Variants in EREG observed in about 807,000 individuals in gnomAD.
EREG encodes the protein epiregulin.
A neutral mutation model predicts 22.4 loss-of-function variants in EREG; 23 were observed. The observed-to-expected ratio is 1.03, with a 90% CI of 0.74 to 1.46. The LOEUF (loss-of-function observed/expected upper bound fraction) is 1.46. Among genes scored for constraint, EREG ranks in the 40% most tolerant of loss-of-function variants. EREG has a pLI of 0.00. For synonymous variants in EREG, 100 were observed against 75.4 expected (o/e 1.33, Z -1.69); for missense variants, 226 against 205.9 (o/e 1.10, Z -0.60).
chr4:74,373,275 A>G (rs186792061), intron 1 of EREG, among the ~76,000 whole-genome samples: 8 of 152,236 alleles, frequency 5.3e-5, no homozygotes, highest in Non-Finnish European at 1.2e-4. Context: ...AGCGAAATAT[A>G]TTAGCATTTG....
At chr4:74,367,396 A>G (rs1752204486) in intron 1 of EREG, among the ~76,000 whole-genome samples, 1 of 152,204 alleles carries the variant, frequency 6.6e-6, no homozygotes, top group South Asian at 2.1e-4. Context: ...TTTTTTAAAT[A>G]ATCTATAATT....
intron 1 of EREG, among the ~76,000 whole-genome samples, chr4:74,374,832 A>G (rs1752351602): frequency 6.6e-6 from 1 of 152,154 alleles, no homozygotes; most frequent in Non-Finnish European, 1.5e-5. Flanking sequence ...ATTTCACTGA[A>G]ACATAATCTG....
In EREG at chr4:74,381,261, A is replaced by AC. The variant is rs758108698; in HGVS notation, c.278+128dup. ...TGAAGTCTGAGCTTTTAGAGTACCT[A>AC]CCCCTCAAATAGTGTGCATGGAACC... On this transcript the variant is annotated intron_variant, in intron 3 of 4. Coordinates refer to ENST00000244869, the MANE Select transcript of EREG (RefSeq NM_001432.3). 5.1e-6 allele frequency: 4 copies of AC among 788,100 alleles called. No homozygotes were observed. The South Asian group carries it at 7.1e-5, about 14-fold the overall frequency. The allele number at this position is 788,100 out of a possible 1,614,324, so 48.8% of individuals were successfully genotyped here. A position where few individuals can be genotyped will look rare whatever the true frequency, so the allele number is the denominator to read the frequency against.
Position 74,385,488 on chromosome 4 carries a change from T to C in EREG, c.*680T>C, listed in dbSNP as rs537110996. ...AGTCACTCATCTACCAGATTCTGCC[T>C]ATGTAAAATGAATTGAAAAACAATT... is the stretch of plus-strand genomic sequence containing the variant. On this transcript the variant is annotated 3_prime_UTR_variant, in exon 5 of 5. Coordinates refer to ENST00000244869, the MANE Select transcript of EREG (RefSeq NM_001432.3). The C allele has an allele frequency of 4.8e-3, 759 of 159,364 alleles. 1 individual carries two copies. The highest frequency in any genetic ancestry group is 6.0e-3 in the Non-Finnish European group (440 of 72,886). The allele number at this position is 159,364 out of a possible 1,614,324, so 9.9% of individuals were successfully genotyped here.
chr4:74,373,872 G>A lies in EREG; in HGVS notation c.68-5576G>A, dbSNP rs191593701. 4.1e-3 allele frequency among the ~76,000 whole-genome samples: 631 copies of A among 152,100 alleles called. 2 individuals carry two copies. Among genetic ancestry groups the A allele is most frequent in the Non-Finnish European group, 7.3e-3 (496 of 68,014 alleles). On this transcript the variant is annotated intron_variant, in intron 1 of 4. Transcript: ENST00000244869. ...GAGTTTTAGAGTTATTTTGACCAAG[G>A]TGAAGCAAGAGCTTATCAAATAGTG...
intron 1 of EREG, among the ~76,000 whole-genome samples, chr4:74,378,182 C>G (rs1194668368): frequency 6.6e-6 from 1 of 152,122 alleles, no homozygotes; most frequent in Non-Finnish European, 1.5e-5. Flanking sequence ...CATGCCTATT[C>G]CTTCTCATAT....
rs1484450773 is a variant in EREG at position 74,388,299 on chromosome 4, A to G, written c.*3491A>G. On this transcript the variant is annotated 3_prime_UTR_variant, in exon 5 of 5. Transcript: ENST00000244869. ...TGACCGTTAAAAAATTCTTGTTCATATGGGAGAAGGGGGAGTAATGACTTG... is the reference window on the plus strand; with the variant it reads ...TGACCGTTAAAAAATTCTTGTTCATGTGGGAGAAGGGGGAGTAATGACTTG... The G allele has an allele frequency of 6.6e-6, 1 of 152,196 alleles. No homozygotes were observed. The highest frequency in any genetic ancestry group is 1.5e-5 in the Non-Finnish European group (1 of 68,002). The allele number at this position is 152,196 out of a possible 1,614,324, so 9.4% of individuals were successfully genotyped here. A position where few individuals can be genotyped will look rare whatever the true frequency, so the allele number is the denominator to read the frequency against.
At chr4:74,383,672 A>C (rs1455195886) in intron 4 of EREG, among the ~76,000 whole-genome samples, 1 of 152,174 alleles carries the variant, frequency 6.6e-6, no homozygotes, top group Non-Finnish European at 1.5e-5. Context: ...AGGTGAATTT[A>C]CGTTTTTATT....
intron 1 of EREG, among the ~76,000 whole-genome samples, chr4:74,369,881 T>C (rs1213128701): frequency 1.3e-5 from 2 of 152,004 alleles, no homozygotes; most frequent in Non-Finnish European, 2.9e-5. Flanking sequence ...ATTTAATGGA[T>C]AAGATGATAC....
chr4:74,370,645 G>A (rs1752274608), intron 1 of EREG, among the ~76,000 whole-genome samples: 1 of 152,100 alleles, frequency 6.6e-6, no homozygotes, highest in Non-Finnish European at 1.5e-5. Flanking sequence ...GAGATAGAGA[G>A]AGAGAGACAG....
At chr4:74,378,857 C>T (rs1374748743) in intron 1 of EREG, among the ~76,000 whole-genome samples, 1 of 152,126 alleles carries the variant, frequency 6.6e-6, no homozygotes, top group Non-Finnish European at 1.5e-5. Flanking sequence ...TTCTAGGGCT[C>T]AGTATGGTTC....
At chr4:74,375,984 T>A (rs1029444797) in intron 1 of EREG, among the ~76,000 whole-genome samples, 2 of 152,202 alleles carry the variant, frequency 1.3e-5, no homozygotes, top group African/African-American at 2.4e-5. Flanking sequence ...CGATGGACTG[T>A]GTCCAAGGGA....
At position 74,387,925 on chromosome 4, in the gene EREG, T is replaced by C. The variant is rs879044629; in HGVS notation, c.*3117T>C. ...GATTTCCTTAACCTTAACCTTAAAA[T>C]TGATATTATATTAAACATACATAAT... On this transcript the variant is annotated 3_prime_UTR_variant, in exon 5 of 5. Transcript: ENST00000244869. 1 of 152,228 alleles carries C rather than the reference T, an allele frequency of 6.6e-6. No individual in the cohort carries two copies. The highest frequency in any genetic ancestry group is 2.1e-4 in the South Asian group (1 of 4,832). The allele number at this position is 152,228 out of a possible 1,614,324, so 9.4% of individuals were successfully genotyped here. A position where few individuals can be genotyped will look rare whatever the true frequency, so the allele number is the denominator to read the frequency against.
chr4:74,381,212 G>T, intron 3 of EREG, 75 bp downstream of exon 3: 2 of 1,314,134 alleles, frequency 1.5e-6, no homozygotes, highest in Non-Finnish European at 1.1e-6. Context: ...GTGCAGATTT[G>T]CTAGTGGATA....
rs549035445 is a variant in EREG, at chr4:74,386,556, A to G, written c.*1748A>G. On this transcript the variant is annotated 3_prime_UTR_variant, in exon 5 of 5. Transcript: ENST00000244869. The stretch of plus-strand genomic sequence containing the variant: ...GCAGTCATTTGGTGCTCTGCTAACC[A>G]TTTATATAAAACTTAAAAACAAGAG... 3 of 152,354 alleles carry G rather than the reference A, an allele frequency of 2.0e-5. No homozygotes were observed. The highest frequency in any genetic ancestry group is 1.9e-4 in the East Asian group (1 of 5,194). The allele number at this position is 152,354 out of a possible 1,614,324, so 9.4% of individuals were successfully genotyped here. A position where few individuals can be genotyped will look rare whatever the true frequency, so the allele number is the denominator to read the frequency against.
At chr4:74,379,412 A>C (rs776332514) in intron 1 of EREG, 36 bp from the exon 2 acceptor site, 1 of 1,233,270 alleles carries the variant, frequency 8.1e-7, no homozygotes, top group Non-Finnish European at 1.2e-6. Context: ...TTTCCTTAAC[A>C]CATTAGTTAT....
In EREG at chr4:74,365,364, T is replaced by A. The variant is rs764710560; in HGVS notation, c.56T>A (p.Leu19Gln). Residue 19 changes from leucine (L) to glutamine (Q), a missense_variant, in exon 1 of 5, where the codon CTG becomes CAG. Transcript: ENST00000244869. Reference sequence around the variant, plus strand: ...TGTGCCGGCAGGGTCCCTGCGCTGCTGCTCTGCCTGGGTAAGTTCTCCCCC... The same window carrying A: ...TGTGCCGGCAGGGTCCCTGCGCTGCAGCTCTGCCTGGGTAAGTTCTCCCCC... Reference protein sequence around the residue: ...MLCAGRVPALLLCLGFHLLQA... With the variant: ...MLCAGRVPALQLCLGFHLLQA... The A allele has an allele frequency of 1.2e-6, 2 of 1,611,682 alleles. No individual in the cohort carries two copies. Among genetic ancestry groups the A allele is most frequent in the Admixed American group, 3.3e-5 (2 of 60,024 alleles).
At chr4:74,379,027 T>C (rs1194355477) in intron 1 of EREG, among the ~76,000 whole-genome samples, 1 of 152,214 alleles carries the variant, frequency 6.6e-6, no homozygotes, top group Non-Finnish European at 1.5e-5. Context: ...GAGTTTCTTG[T>C]TGTTACTGTA....
Position 74,367,325 on chromosome 4 carries a change from G to A in EREG, c.67+1950G>A, listed in dbSNP as rs142014469. Among the ~76,000 whole-genome samples, 644 of 152,288 alleles carry A rather than the reference G, an allele frequency of 4.2e-3. 3 individuals are homozygous for A. Among genetic ancestry groups the A allele is most frequent in the Non-Finnish European group, 7.6e-3 (520 of 68,024 alleles). ...TGACAAAGTGAGAGTCCACACTTGGGCTTGCTAGCATTTTTGGCCTACTGA... is the reference window on the plus strand; with the variant it reads ...TGACAAAGTGAGAGTCCACACTTGGACTTGCTAGCATTTTTGGCCTACTGA... On this transcript the variant is annotated intron_variant, in intron 1 of 4. Coordinates refer to ENST00000244869, the MANE Select transcript of EREG (RefSeq NM_001432.3).
Sources: gnomAD v4.1 joint callset for allele counts (sites outside exome capture counted in the v4.1 genomes callset) on GRCh38, gnomAD v4.1.1 for gene constraint, MANE v1.5 for transcripts, NCBI Gene and HGNC (gene_info 2026-07-23, HGNC 2026-07-21) for gene names.